The following SYNPR variants were observed in gnomAD, a reference collection of about 807,000 sequenced individuals.
The protein encoded by SYNPR is synaptoporin.
A neutral mutation model predicts 32.9 loss-of-function variants in SYNPR; 23 were observed. The ratio of observed to expected loss-of-function variants is 0.70; its 90% CI spans 0.50 to 0.99. The LOEUF (loss-of-function observed/expected upper bound fraction) is 0.99. Among genes scored for constraint, SYNPR ranks in the 50% least tolerant of loss-of-function variants. The probability of loss-of-function intolerance (pLI) is 0.00; values close to 1 mark genes in which losing one functional copy is unlikely to be tolerated. For missense variants in SYNPR, 318 were observed against 349.3 expected (o/e 0.91, Z 0.71); for synonymous variants, 146 against 135.9 (o/e 1.07, Z -0.52).
At chr3:63,205,928 A>G in the SYNPR span, among the ~76,000 whole-genome samples, 2 of 152,174 alleles carry the variant, frequency 1.3e-5, no homozygotes, top group Non-Finnish European at 2.9e-5. Context: ...TCTACTGAAG[A>G]AGTTTTTTTT....
At chr3:63,368,174 C>T (rs2087750494) in intron 2 of SYNPR, among the ~76,000 whole-genome samples, 1 of 152,130 alleles carries the variant, frequency 6.6e-6, no homozygotes, top group African/African-American at 2.4e-5. Flanking sequence ...TTGCCTGGAC[C>T]AAGAGCAATT....
intron 2 of SYNPR, among the ~76,000 whole-genome samples, chr3:63,333,157 T>TA (rs1372522180): frequency 6.6e-6 from 1 of 152,120 alleles, no homozygotes; most frequent in East Asian, 1.9e-4. Flanking sequence ...AGCTTTCCTT[T>TA]TCTGAATTCA....
At chr3:63,513,168 C>G (rs1156925914) in intron 3 of SYNPR, among the ~76,000 whole-genome samples, 3 of 147,548 alleles carry the variant, frequency 2.0e-5, no homozygotes, top group African/African-American at 7.5e-5. Flanking sequence ...CCCCCACCCC[C>G]ACACTCCTAC....
intron 4 of SYNPR, among the ~76,000 whole-genome samples, chr3:63,598,399 C>G (rs1292734721): frequency 6.6e-6 from 1 of 152,038 alleles, no homozygotes; most frequent in African/African-American, 2.4e-5. Context: ...AAAGTGAGGG[C>G]AACAAACTGA....
chr3:63,587,240 A>G (rs1703202382), intron 4 of SYNPR, among the ~76,000 whole-genome samples: 1 of 152,134 alleles, frequency 6.6e-6, no homozygotes, highest in Non-Finnish European at 1.5e-5. Context: ...CATCACGATC[A>G]TTAATGCAAC....
chr3:63,203,018 G>C, the SYNPR span, among the ~76,000 whole-genome samples: 2 of 136,612 alleles, frequency 1.5e-5, no homozygotes, highest in African/African-American at 5.7e-5. Context: ...TTGGTTCTTT[G>C]TTTTTTTCAA....
intron 3 of SYNPR, among the ~76,000 whole-genome samples, chr3:63,508,804 C>A (rs750020259): frequency 1.6e-4 from 25 of 152,130 alleles, no homozygotes; most frequent in Middle Eastern, 3.4e-3. Flanking sequence ...ATCCCACCCA[C>A]CCTCTTCATC....
intron 3 of SYNPR, among the ~76,000 whole-genome samples, chr3:63,502,132 T>C (rs981594302): frequency 2.6e-5 from 4 of 152,184 alleles, no homozygotes; most frequent in Non-Finnish European, 4.4e-5. Flanking sequence ...TTTTATTTTT[T>C]TAATGTAGCT....
intron 2 of SYNPR, among the ~76,000 whole-genome samples, chr3:63,293,347 C>A (rs540684739): frequency 4.6e-5 from 7 of 151,968 alleles, no homozygotes; most frequent in Non-Finnish European, 8.8e-5. Context: ...CTATGTAGAG[C>A]CGTTTTATGC....
chr3:63,512,085 G>A (rs1410477720), intron 3 of SYNPR, among the ~76,000 whole-genome samples: 2 of 152,082 alleles, frequency 1.3e-5, no homozygotes, highest in African/African-American at 4.8e-5. Flanking sequence ...AATTGTAAAT[G>A]AGATAAACAC....
intron 2 of SYNPR, among the ~76,000 whole-genome samples, chr3:63,309,648 C>G (rs550717149): frequency 6.6e-6 from 1 of 152,068 alleles, no homozygotes; most frequent in Admixed American, 6.6e-5. Flanking sequence ...TCCATTCTGG[C>G]TGGTGACCCC....
At chr3:63,324,276 C>G (rs956075416) in intron 2 of SYNPR, among the ~76,000 whole-genome samples, 1 of 152,014 alleles carries the variant, frequency 6.6e-6, no homozygotes, top group Non-Finnish European at 1.5e-5. Flanking sequence ...AGAACCTGAG[C>G]TTTGAACTAG....
At chr3:63,597,387 G>A (rs1025249241) in intron 4 of SYNPR, among the ~76,000 whole-genome samples, 1 of 152,072 alleles carries the variant, frequency 6.6e-6, no homozygotes, top group African/African-American at 2.4e-5. Flanking sequence ...AGCTACATAG[G>A]TATACCATTG....
chr3:63,615,451 T>C lies in SYNPR; in HGVS notation c.828T>C (p.Thr276=), dbSNP rs779844143. The C allele has an allele frequency of 3.1e-6, 5 of 1,614,020 alleles. No individual in the cohort carries two copies. The highest frequency in any genetic ancestry group is 1.7e-4 in the Middle Eastern group (1 of 6,060). ...CAGATGAGTTTGGCCAACAGCCTAC[T>C]GGCCCCACTTCCTTTACCAATCAGA... ...PTSDEFGQQP[T]GPTSFTNQI is the part of the protein sequence containing the mutation. Residue 276 remains threonine (T), a synonymous_variant, in exon 6 of 6, where the codon ACT becomes ACC. Coordinates refer to ENST00000478300, the MANE Select transcript of SYNPR (RefSeq NM_001130003.2).
At chr3:63,472,969 T>C (rs956300828) in intron 2 of SYNPR, among the ~76,000 whole-genome samples, 5 of 152,176 alleles carry the variant, frequency 3.3e-5, no homozygotes, top group Non-Finnish European at 7.4e-5. Context: ...AGGCTGGATA[T>C]GGCCACGGGC....
At chr3:63,503,559 T>A (rs531523091) in intron 3 of SYNPR, among the ~76,000 whole-genome samples, 1 of 152,254 alleles carries the variant, frequency 6.6e-6, no homozygotes, top group African/African-American at 2.4e-5. Flanking sequence ...TTTTTACTGT[T>A]TTTTGTTTGT....
chr3:63,404,459 G>T (rs1353645322), intron 2 of SYNPR, among the ~76,000 whole-genome samples: 3 of 152,062 alleles, frequency 2.0e-5, no homozygotes, highest in Admixed American at 2.0e-4. Context: ...TTATTTAAAA[G>T]AAAATCAATT....
At chr3:63,411,821 A>T (rs2088470160) in intron 2 of SYNPR, among the ~76,000 whole-genome samples, 1 of 152,140 alleles carries the variant, frequency 6.6e-6, no homozygotes, top group African/African-American at 2.4e-5. Flanking sequence ...AAGATCTATT[A>T]AGGATTTTGA....
chr3:63,267,605 G>A (rs1646227907), intron 3 of SYNPR, among the ~76,000 whole-genome samples: 1 of 152,142 alleles, frequency 6.6e-6, no homozygotes, highest in African/African-American at 2.4e-5. Flanking sequence ...GAAGCTGTTA[G>A]TTAAGAGGGA....
Sources: gnomAD v4.1 joint callset for allele counts (sites outside exome capture counted in the v4.1 genomes callset) on GRCh38, gnomAD v4.1.1 for gene constraint, MANE v1.5 for transcripts, NCBI Gene and HGNC (gene_info 2026-07-23, HGNC 2026-07-21) for gene names.